The following GPX7 variants were observed in gnomAD, a reference collection of about 807,000 sequenced individuals.
GPX7 encodes protein peroxidase GPX7.
GPX7 carries 21 observed loss-of-function variants against 23.7 expected under a neutral mutation model. That is an observed-to-expected ratio of 0.89 (90% CI 0.63 to 1.28). GPX7 has a LOEUF of 1.28. GPX7 is among the 50% of genes most tolerant of loss of function. The pLI is 0.00. For synonymous variants in GPX7, 112 were observed against 101.8 expected (o/e 1.10, Z -0.61); for missense variants, 238 against 237.3 (o/e 1.00, Z -0.02).
At chr1:52,603,311 C>A (rs1315215980) in intron 1 of GPX7, among the ~76,000 whole-genome samples, 1 of 133,454 alleles carries the variant, frequency 7.5e-6, no homozygotes, top group Non-Finnish European at 1.5e-5. Context: ...TCTTTGAATA[C>A]GAGTGGATTT....
chr1:52,603,459 CAGGCGGGACCTTGAACACTACATTGAG>C (rs1690823182), intron 1 of GPX7, among the ~76,000 whole-genome samples: 1 of 152,100 alleles, frequency 6.6e-6, no homozygotes, highest in Non-Finnish European at 1.5e-5. Context: ...GGCAAGGGAG[CAGGCGGGACCTTGAACACTACATTGAG>C]AGGCCTGCAT....
At chr1:52,606,245 CA>C (rs1690850688) in intron 1 of GPX7, among the ~76,000 whole-genome samples, 1 of 152,100 alleles carries the variant, frequency 6.6e-6, no homozygotes, top group Non-Finnish European at 1.5e-5. Context: ...CTGACTGAGC[CA>C]AAAATTGAGC....
intron 1 of GPX7, among the ~76,000 whole-genome samples, chr1:52,603,089 G>A (rs1204772726): frequency 6.6e-6 from 1 of 152,174 alleles, no homozygotes; most frequent in Non-Finnish European, 1.5e-5. Context: ...AAGGCCCAGA[G>A]AGGGCAGGCA....
At chr1:52,603,040 A>C (rs929730940) in intron 1 of GPX7, among the ~76,000 whole-genome samples, 2 of 152,056 alleles carry the variant, frequency 1.3e-5, no homozygotes, top group Non-Finnish European at 2.9e-5. Context: ...TTTCAGATGC[A>C]CGGAGACCTC....
At chr1:52,608,009 A>G (rs1447006707) in intron 2 of GPX7, among the ~76,000 whole-genome samples, 1 of 152,152 alleles carries the variant, frequency 6.6e-6, no homozygotes. Context: ...AGGATTTGAT[A>G]CCACTTTATC....
rs1318053113 is a variant in GPX7 at position 52,606,916 on chromosome 1, G to C, written c.371G>C (p.Gly124Ala). The C allele has an allele frequency of 6.2e-7, 1 of 1,614,188 alleles. No homozygotes were observed. Among genetic ancestry groups the C allele is most frequent in the Admixed American group, 1.7e-5 (1 of 60,020 alleles). ...MFSKIAVTGT[G>A]AHPAFKYLAQ... ...AGCAAGATTGCAGTCACCGGTACTG[G>C]TGCCCATCCTGCCTTCAAGTACCTG... Residue 124 changes from glycine to alanine, a missense_variant, in exon 2 of 3, where the codon GGT (glycine) becomes GCT (alanine). By Grantham distance (60) the Gly-to-Ala change is moderately conservative. Coordinates refer to ENST00000361314, the MANE Select transcript of GPX7 (RefSeq NM_015696.5).
chr1:52,603,207 C>A (rs958356836), intron 1 of GPX7, among the ~76,000 whole-genome samples: 1 of 152,128 alleles, frequency 6.6e-6, no homozygotes, highest in Non-Finnish European at 1.5e-5. Context: ...CTCAGGGGCA[C>A]ACATAAGAGT....
intron 1 of GPX7, among the ~76,000 whole-genome samples, chr1:52,603,363 G>A (rs1196797159): frequency 7.0e-6 from 1 of 142,976 alleles, no homozygotes; most frequent in Non-Finnish European, 1.5e-5. Context: ...GGGTGGGGGG[G>A]CGCGGGGCCA....
chr1:52,608,143 CT>C (rs1359879379), intron 2 of GPX7, 118 bp from the exon 3 acceptor site: 3 of 870,072 alleles, frequency 3.4e-6, no homozygotes, highest in Non-Finnish European at 5.3e-6. Flanking sequence ...TTGGAGTGGT[CT>C]GGGGTGTGGA....
chr1:52,608,387 G>A lies in GPX7; in HGVS notation c.526G>A (p.Val176Met), dbSNP rs759804805. The A allele has an allele frequency of 4.3e-6, 7 of 1,613,582 alleles. No individual in the cohort carries two copies. Among genetic ancestry groups the A allele is most frequent in the East Asian group, 2.2e-5 (1 of 44,844 alleles). ...EEVRPQITAL[V>M]RKLILLKRED... ...GGTCAGACCCCAGATCACAGCGCTC[G>A]TGAGGAAGCTCATCCTACTGAAGCG... Residue 176 changes from valine to methionine, a missense_variant, in exon 3 of 3, where the codon GTG (valine) becomes ATG (methionine). Transcript: ENST00000361314.
chr1:52,607,866 T>C (rs1690871374), intron 2 of GPX7, among the ~76,000 whole-genome samples: 1 of 126,920 alleles, frequency 7.9e-6, no homozygotes, highest in Non-Finnish European at 1.7e-5. Context: ...CCCAAGAATC[T>C]TTATTTTAAG....
Position 52,608,323 on chromosome 1 carries a change from G to A in GPX7, c.462G>A (p.Lys154=), listed in dbSNP as rs747249822. Residue 154 remains lysine (K), a synonymous_variant, in exon 3 of 3, where the codon AAG becomes AAA. Coordinates refer to ENST00000361314, the MANE Select transcript of GPX7 (RefSeq NM_015696.5). ...AGTACCTAGTAGCCCCAGATGGAAA[G>A]GTGGTAGGGGCTTGGGACCCAACTG... ...FWKYLVAPDG[K]VVGAWDPTVS... The A allele has an allele frequency of 1.4e-5, 23 of 1,613,910 alleles. No homozygotes were observed. Among genetic ancestry groups the A allele is most frequent in the Admixed American group, 1.7e-5 (1 of 59,976 alleles).
rs1288374049 is a variant in GPX7 at position 52,608,669 on chromosome 1, C to T, written c.*244C>T. 3.2e-5 allele frequency: 9 copies of T among 280,376 alleles called. No individual in the cohort carries two copies. The South Asian group carries it at 3.6e-4, about 11-fold the overall frequency. The allele number at this position is 280,376 out of a possible 1,614,324, so 17.4% of individuals were successfully genotyped here. A position where few individuals can be genotyped will look rare whatever the true frequency, so the allele number is the denominator to read the frequency against. On this transcript the variant is annotated 3_prime_UTR_variant, in exon 3 of 3. Coordinates refer to ENST00000361314, the MANE Select transcript of GPX7 (RefSeq NM_015696.5). ...CCAGTGAATCACCAGCCGATACGAA[C>T]GTCTTGCCAACAAAAATGTGTGGCA...
At chr1:52,602,977 G>C (rs529066058) in intron 1 of GPX7, among the ~76,000 whole-genome samples, 3 of 151,838 alleles carry the variant, frequency 2.0e-5, no homozygotes, top group South Asian at 2.1e-4. Flanking sequence ...GGCTGATTCG[G>C]AGTCCAGTGA....
At chr1:52,603,057 A>C (rs1452520909) in intron 1 of GPX7, among the ~76,000 whole-genome samples, 1 of 152,146 alleles carries the variant, frequency 6.6e-6, no homozygotes, top group African/African-American at 2.4e-5. Context: ...CCTCACACGG[A>C]TCATCCCTGG....
intron 1 of GPX7, 132 bp from the exon 2 acceptor site, chr1:52,606,552 A>G (rs938410593): frequency 1.1e-6 from 1 of 932,280 alleles, no homozygotes; most frequent in Admixed American, 2.5e-5. Context: ...ATGTGTACAC[A>G]GTGTTCTTGT....
intron 2 of GPX7, among the ~76,000 whole-genome samples, chr1:52,607,755 C>T (rs1690870290): frequency 6.6e-6 from 1 of 152,028 alleles, no homozygotes; most frequent in Non-Finnish European, 1.5e-5. Flanking sequence ...TTTATTAGTT[C>T]CTTCCCAGTT....
At chr1:52,606,568 T>C (rs1421382465) in intron 1 of GPX7, 116 bp from the exon 2 acceptor site, 1 of 1,126,670 alleles carries the variant, frequency 8.9e-7, no homozygotes, top group Non-Finnish European at 1.3e-6. Flanking sequence ...CTTGTATGTG[T>C]GAGGCAGTAT....
intron 1 of GPX7, among the ~76,000 whole-genome samples, chr1:52,602,975 C>G (rs1690818053): frequency 6.6e-6 from 1 of 151,890 alleles, no homozygotes; most frequent in African/African-American, 2.4e-5. Flanking sequence ...GTGGCTGATT[C>G]GGAGTCCAGT....
Sources: gnomAD v4.1 joint callset for allele counts (sites outside exome capture counted in the v4.1 genomes callset) on GRCh38, gnomAD v4.1.1 for gene constraint, MANE v1.5 for transcripts, NCBI Gene and HGNC (gene_info 2026-07-23, HGNC 2026-07-21) for gene names.